Variants in VPS53 observed in about 807,000 individuals in gnomAD.
VPS53 encodes the protein vacuolar protein sorting-associated protein 53 homolog.
Under a neutral mutation model 107.0 loss-of-function variants are expected in VPS53, and 70 were observed. The observed-to-expected ratio is 0.65, with a 90% confidence interval of 0.54 to 0.80. The LOEUF is 0.80. Among genes scored for constraint, VPS53 ranks in the 30% least tolerant of loss-of-function variants. VPS53 has a pLI of 0.00. For missense variants in VPS53, 917 were observed against 1,049.4 expected (o/e 0.87, Z 1.74); for synonymous variants, 409 against 393.3 (o/e 1.04, Z -0.47).
In VPS53 at chr17:515,956, CTTTTTTTTTT is replaced by C. The variant is rs11361535; in HGVS notation, c.*3162_*3171del. Reference sequence around the variant, plus strand: ...ATTACAGGCACCCGCCACCTGCCTGCTTTTTTTTTTTTTTTTTTTGTATTTTTAGTAGAGA... The same window carrying C: ...ATTACAGGCACCCGCCACCTGCCTGCTTTTTTTTTGTATTTTTAGTAGAGA... On this transcript the variant is annotated 3_prime_UTR_variant, in exon 22 of 22. Transcript: ENST00000437048. 1 of 109,628 alleles carries C rather than the reference CTTTTTTTTTT, an allele frequency of 9.1e-6. No individual in the cohort carries two copies. Among genetic ancestry groups the C allele is most frequent in the African/African-American group, 4.2e-5 (1 of 24,092 alleles). The allele number at this position is 109,628 out of a possible 1,614,324, so 6.8% of individuals were successfully genotyped here.
chr17:605,718 T>C (rs1968540746), intron 11 of VPS53, among the ~76,000 whole-genome samples: 1 of 140,804 alleles, frequency 7.1e-6, no homozygotes, highest in African/African-American at 2.7e-5. Context: ...TATTGGTGAG[T>C]CAGGGACGGA....
intron 13 of VPS53, among the ~76,000 whole-genome samples, chr17:566,665 T>G (rs1478181108): frequency 6.6e-6 from 1 of 152,038 alleles, no homozygotes; most frequent in African/African-American, 2.4e-5. Context: ...TATGAGATTC[T>G]AATCTCTAAA....
chr17:522,006 C>A (rs992663904), intron 19 of VPS53, among the ~76,000 whole-genome samples: 7 of 152,178 alleles, frequency 4.6e-5, no homozygotes, highest in Admixed American at 3.3e-4. Flanking sequence ...GTAATCCCAG[C>A]ACTTCAGGAG....
Position 510,939 on chromosome 17 carries a change from C to G in VPS53, c.*8189G>C, listed in dbSNP as rs1392451909. ...GGCTGTGGGGGACTCTGTGTGTAAA[C>G]TGATGTTTCTTTGTATAGCATTTGA... On this transcript the variant is annotated 3_prime_UTR_variant, in exon 22 of 22. Transcript: ENST00000437048. The G allele has an allele frequency of 6.6e-6, 1 of 152,172 alleles. No homozygotes were observed. The highest frequency in any genetic ancestry group is 1.5e-5 in the Non-Finnish European group (1 of 68,074). 9.4% of individuals were successfully genotyped at this position (152,172 alleles called of 1,614,324 possible). A position where few individuals can be genotyped will look rare whatever the true frequency, so the allele number is the denominator to read the frequency against.
intron 11 of VPS53, among the ~76,000 whole-genome samples, chr17:608,277 C>T (rs543503261): frequency 1.3e-5 from 2 of 152,248 alleles, no homozygotes; most frequent in African/African-American, 2.4e-5. Flanking sequence ...AGTGCCTTCC[C>T]GATCCAATTT....
intron 13 of VPS53, among the ~76,000 whole-genome samples, chr17:571,487 TTCTCCC>T (rs749005826): frequency 0.013 from 1,601 of 119,810 alleles, 35 homozygotes; most frequent in African/African-American, 0.042. Flanking sequence ...CTCCCTCTCC[TTCTCCC>T]TCTCCCTCTC....
intron 13 of VPS53, among the ~76,000 whole-genome samples, chr17:579,897 A>C (rs1457116010): frequency 7.0e-6 from 1 of 143,086 alleles, no homozygotes; most frequent in East Asian, 2.2e-4. Context: ...CCAGAGAACC[A>C]CCGTCAGGAC....
chr17:702,527 G>A (rs180759243), intron 2 of VPS53, among the ~76,000 whole-genome samples: 19 of 151,978 alleles, frequency 1.3e-4, no homozygotes, highest in African/African-American at 4.3e-4. Context: ...TTAGCCGGGC[G>A]TGGTGGCAGG....
At chr17:586,236 T>C (rs902160608) in intron 13 of VPS53, 34 bp downstream of exon 13, 10 of 1,600,408 alleles carry the variant, frequency 6.2e-6, no homozygotes, top group South Asian at 1.1e-5. Context: ...CGGCGAGAAA[T>C]GCAGGCAGAA....
At chr17:686,072 A>G (rs545084711) in intron 4 of VPS53, among the ~76,000 whole-genome samples, 3 of 151,926 alleles carry the variant, frequency 2.0e-5, no homozygotes, top group African/African-American at 7.2e-5. Context: ...TAATTCCAGC[A>G]CTCTGGGAAG....
intron 19 of VPS53, among the ~76,000 whole-genome samples, chr17:527,217 A>G (rs1909184593): frequency 6.6e-6 from 1 of 152,008 alleles, no homozygotes; most frequent in Non-Finnish European, 1.5e-5. Context: ...TTCCCTCTCA[A>G]CAAACTCTCC....
In VPS53 at chr17:630,289, C is replaced by CA. The variant is rs565820885; in HGVS notation, c.687+1260dup. ...CCTGGGCCAAAGAGTGAAACTCCGT[C>CA]AAAAAAAAAACAAACAAACAAACAA... On this transcript the variant is annotated intron_variant, in intron 8 of 21. Transcript: ENST00000437048. Among the ~76,000 whole-genome samples the CA allele has an allele frequency of 6.1e-3, 808 of 133,038 alleles. 1 individual carries two copies. Among genetic ancestry groups the CA allele is most frequent in the Middle Eastern group, 0.015 (4 of 262 alleles). The allele number at this position is 133,038 out of a possible 152,430, so 87.3% of individuals were successfully genotyped here.
At chr17:545,273 TA>T (rs1444249262) in intron 17 of VPS53, among the ~76,000 whole-genome samples, 1 of 152,150 alleles carries the variant, frequency 6.6e-6, no homozygotes, top group Admixed American at 6.5e-5. Context: ...TCTAGCAAAC[TA>T]CCGCTCTGCA....
intron 13 of VPS53, among the ~76,000 whole-genome samples, chr17:570,372 CAAAAAA>C (rs57449097): frequency 8.8e-5 from 8 of 90,436 alleles, no homozygotes; most frequent in Admixed American, 1.3e-4. Flanking sequence ...GACTCTGTCT[CAAAAAA>C]AAAAAAAAAA....
At chr17:562,823 A>G in intron 13 of VPS53, 78 bp from the exon 14 acceptor site, 2 of 1,482,038 alleles carry the variant, frequency 1.3e-6, no homozygotes, top group Admixed American at 2.2e-5. Context: ...TGCAATGTAC[A>G]TAAACTACTG....
rs1597234902 is a variant in VPS53 at position 517,365 on chromosome 17, G to A, written c.*1763C>T. ...CTCAGGATCAGAGCTGGACGGCATC[G>A]GGGAGAAAGCCTGGCAGAGAGGGCA... On this transcript the variant is annotated 3_prime_UTR_variant, in exon 22 of 22. Coordinates refer to ENST00000437048, the MANE Select transcript of VPS53 (RefSeq NM_001128159.3). 5.0e-6 allele frequency: 2 copies of A among 399,392 alleles called. No individual in the cohort carries two copies. The highest frequency in any genetic ancestry group is 4.4e-6 in the Non-Finnish European group (1 of 226,348). The allele number at this position is 399,392 out of a possible 1,614,324, so 24.7% of individuals were successfully genotyped here. A position where few individuals can be genotyped will look rare whatever the true frequency, so the allele number is the denominator to read the frequency against.
intron 4 of VPS53, among the ~76,000 whole-genome samples, chr17:690,909 G>A (rs1049249895): frequency 1.3e-5 from 2 of 152,094 alleles, no homozygotes; most frequent in Non-Finnish European, 2.9e-5. Flanking sequence ...AATATGTCTA[G>A]ACATACAAAA....
At chr17:657,429 T>A in intron 5 of VPS53, 1 of 890,760 alleles carries the variant, frequency 1.1e-6, no homozygotes, top group Non-Finnish European at 1.9e-6. Context: ...GGGAAGACAC[T>A]CTCTCAACTT....
chr17:620,603 G>A (rs551538471), intron 11 of VPS53, among the ~76,000 whole-genome samples: 3 of 152,166 alleles, frequency 2.0e-5, no homozygotes, highest in East Asian at 1.9e-4. Context: ...GCAGGTAAAC[G>A]CACCTAATAT....
Sources: allele counts gnomAD v4.1 joint callset (sites outside exome capture counted in the v4.1 genomes callset), GRCh38; gene constraint gnomAD v4.1.1; transcripts MANE v1.5; gene names NCBI Gene and HGNC (gene_info 2026-07-23, HGNC 2026-07-21).